STAG1: variants seen among roughly 807,000 people sequenced by gnomAD.
STAG1 encodes the protein STAG1 cohesin complex component, also known as cohesin subunit SA-1.
In STAG1, 26 loss-of-function variants were observed where a neutral mutation model predicts 170.9. The observed-to-expected ratio is 0.15, with a 90% confidence interval of 0.11 to 0.21. STAG1 has a LOEUF of 0.21. Ranked by LOEUF, STAG1 falls within the 10% of genes least tolerant of loss-of-function variation. STAG1 has a pLI of 1.00. For missense variants in STAG1, 964 were observed against 1,509.5 expected (o/e 0.64, Z 5.99); for synonymous variants, 514 against 497.7 (o/e 1.03, Z -0.44).
intron 5 of STAG1, among the ~76,000 whole-genome samples, chr3:136,551,069 T>C (rs1936359037): frequency 1.3e-5 from 2 of 152,130 alleles, no homozygotes; most frequent in Non-Finnish European, 2.9e-5. Context: ...CTGTACTCCT[T>C]AGAAGTCACT....
intron 24 of STAG1, 125 bp downstream of exon 24, chr3:136,368,983 A>G: frequency 3.4e-6 from 3 of 876,326 alleles, no homozygotes; most frequent in Non-Finnish European, 3.2e-6. Flanking sequence ...CAGCCACTGC[A>G]CCTGGCCAAC....
intron 4 of STAG1, among the ~76,000 whole-genome samples, chr3:136,594,502 G>A (rs1258389373): frequency 6.6e-6 from 1 of 152,060 alleles, no homozygotes; most frequent in Non-Finnish European, 1.5e-5. Context: ...AGACCAAATT[G>A]TCTCACTAAG....
intron 10 of STAG1, 70 bp downstream of exon 10, chr3:136,477,219 T>C (rs928182111): frequency 1.3e-6 from 2 of 1,490,234 alleles, no homozygotes; most frequent in Admixed American, 2.2e-5. Flanking sequence ...ACTACTGTCA[T>C]TTTGATTCCC....
At chr3:136,514,047 T>C (rs954140331) in intron 7 of STAG1, among the ~76,000 whole-genome samples, 1 of 152,196 alleles carries the variant, frequency 6.6e-6, no homozygotes, top group Non-Finnish European at 1.5e-5. Context: ...AGTCATAAGA[T>C]GGTACCATTA....
At chr3:136,655,482 G>C (rs1000069506) in intron 1 of STAG1, among the ~76,000 whole-genome samples, 1 of 152,186 alleles carries the variant, frequency 6.6e-6, no homozygotes, top group African/African-American at 2.4e-5. Flanking sequence ...CCAGAAAGTA[G>C]GCTGGGTGCT....
chr3:136,370,805 G>A (rs1012606978), intron 23 of STAG1, among the ~76,000 whole-genome samples: 18 of 152,184 alleles, frequency 1.2e-4, no homozygotes, highest in Admixed American at 1.0e-3. Flanking sequence ...ATTGTGAATA[G>A]TGCCGCAATA....
intron 5 of STAG1, among the ~76,000 whole-genome samples, chr3:136,562,449 CG>C (rs1283449323): frequency 6.7e-6 from 1 of 148,588 alleles, no homozygotes; most frequent in African/African-American, 2.5e-5. Context: ...TTAGTAGAGA[CG>C]GGGTTTCACC....
At chr3:136,383,906 G>C (rs1938115720) in intron 22 of STAG1, among the ~76,000 whole-genome samples, 2 of 141,498 alleles carry the variant, frequency 1.4e-5, no homozygotes, top group South Asian at 4.5e-4. Context: ...AGTGAGCCGA[G>C]ATCGCACCAC....
rs774648941 is a variant in STAG1, at chr3:136,393,590, C to CTT, written c.2277+5157_2277+5158dup. Among the ~76,000 whole-genome samples the CTT allele has an allele frequency of 1.2e-3, 152 of 130,112 alleles. 1 individual carries two copies. The highest frequency in any genetic ancestry group is 1.4e-3 in the Non-Finnish European group (85 of 60,968). 85.4% of individuals were successfully genotyped at this position (130,112 alleles called of 152,430 possible). A position where few individuals can be genotyped will look rare whatever the true frequency, so the allele number is the denominator to read the frequency against. On this transcript the variant is annotated intron_variant, in intron 22 of 33. Transcript: ENST00000383202. ...AACAAAGTCCCTTCCTACGCTTCAT[C>CTT]TTTTTTTTTTTTTTTTTTTTTGAGA...
chr3:136,370,089 TACTATACTA>T (rs1246618847), intron 23 of STAG1, among the ~76,000 whole-genome samples: 2 of 127,908 alleles, frequency 1.6e-5, no homozygotes, highest in Non-Finnish European at 3.5e-5. Context: ...TACTATACTA[TACTATACTA>T]ATTTCTATTC....
In STAG1 at chr3:136,568,760, T is replaced by C. The variant is rs962850386; in HGVS notation, c.394+5A>G. On this transcript the variant is annotated splice_donor_5th_base_variant and intron_variant, in intron 5 of 33. Coordinates refer to ENST00000383202, the MANE Select transcript of STAG1 (RefSeq NM_005862.3). ...ATGTACATCATTTATTTCAACATTC[T>C]GTACCTCGACATCCTGAACACTGGA... 36 of 1,606,410 alleles carry C rather than the reference T, an allele frequency of 2.2e-5. No individual in the cohort carries two copies. Among genetic ancestry groups the C allele is most frequent in the Non-Finnish European group, 2.8e-5 (33 of 1,174,672 alleles).
intron 22 of STAG1, among the ~76,000 whole-genome samples, chr3:136,379,541 T>C (rs1000615537): frequency 1.3e-5 from 2 of 152,118 alleles, no homozygotes; most frequent in Admixed American, 6.5e-5. Flanking sequence ...AAACCCCGTC[T>C]CTATTAAAAA....
intron 24 of STAG1, 61 bp downstream of exon 24, chr3:136,369,047 C>T (rs1937191725): frequency 1.5e-6 from 2 of 1,356,402 alleles, no homozygotes; most frequent in South Asian, 3.8e-5. Context: ...TGTTTCTTTT[C>T]TCCTATCTTT....
chr3:136,525,414 T>A (rs1445987987), intron 6 of STAG1, among the ~76,000 whole-genome samples: 1 of 152,200 alleles, frequency 6.6e-6, no homozygotes, highest in Admixed American at 6.5e-5. Context: ...TGACGGTAGT[T>A]TGTATTTCTG....
intron 1 of STAG1, among the ~76,000 whole-genome samples, chr3:136,640,285 T>G (rs1007197268): frequency 1.3e-5 from 2 of 152,212 alleles, no homozygotes; most frequent in African/African-American, 4.8e-5. Flanking sequence ...AAAAATAAAG[T>G]ATCTAATTTT....
intron 4 of STAG1, among the ~76,000 whole-genome samples, chr3:136,574,052 C>G (rs1230789894): frequency 1.3e-5 from 2 of 151,994 alleles, no homozygotes; most frequent in Non-Finnish European, 2.9e-5. Flanking sequence ...ACCATCCTGG[C>G]TAACACGGTG....
Position 136,450,986 on chromosome 3 carries a change from T to C in STAG1, c.1428+1047A>G, listed in dbSNP as rs373231168. Among the ~76,000 whole-genome samples, 33 of 152,246 alleles carry C rather than the reference T, an allele frequency of 2.2e-4. No homozygotes were observed. The East Asian group carries it at 5.8e-3, about 27-fold the overall frequency. The stretch of plus-strand genomic sequence containing the variant: ...CTGGTCTTAAACTCCTGGCCTGAAG[T>C]GATCTGCCCACCTCGGCCTCCCAAA... On this transcript the variant is annotated intron_variant, in intron 14 of 33. Coordinates refer to ENST00000383202, the MANE Select transcript of STAG1 (RefSeq NM_005862.3).
intron 29 of STAG1, among the ~76,000 whole-genome samples, chr3:136,347,588 A>G (rs1375973558): frequency 6.6e-6 from 1 of 152,156 alleles, no homozygotes; most frequent in African/African-American, 2.4e-5. Context: ...GAACAGTAAC[A>G]TTTATATTAA....
At chr3:136,685,219 G>A (rs1942474102) in intron 1 of STAG1, among the ~76,000 whole-genome samples, 1 of 152,120 alleles carries the variant, frequency 6.6e-6, no homozygotes, top group Non-Finnish European at 1.5e-5. Context: ...GGGAGGCTGA[G>A]GCATGACAAT....
Sources: allele counts gnomAD v4.1 joint callset (sites outside exome capture counted in the v4.1 genomes callset), GRCh38; gene constraint gnomAD v4.1.1; transcripts MANE v1.5; gene names NCBI Gene and HGNC (gene_info 2026-07-23, HGNC 2026-07-21).